Variants in RBFOX2 observed in about 807,000 individuals in gnomAD.
RBFOX2 encodes the protein RNA binding protein fox-1 homolog 2.
A neutral mutation model predicts 49.1 loss-of-function variants in RBFOX2; 10 were observed. The ratio of observed to expected loss-of-function variants is 0.20; its 90% CI spans 0.13 to 0.35. The LOEUF (loss-of-function observed/expected upper bound fraction) is 0.35, where lower values mean the gene tolerates loss of function less well. Among genes scored for constraint, RBFOX2 ranks in the 10% least tolerant of loss-of-function variants. The probability of loss-of-function intolerance (pLI) is 1.00; values close to 1 mark genes in which losing one functional copy is unlikely to be tolerated. For synonymous variants in RBFOX2, 183 were observed against 187.4 expected (o/e 0.98, Z 0.19); for missense variants, 323 against 486.9 (o/e 0.66, Z 3.17).
intron 2 of RBFOX2, among the ~76,000 whole-genome samples, chr22:35,803,421 A>G (rs1950129667): frequency 6.6e-6 from 1 of 152,216 alleles, no homozygotes; most frequent in Non-Finnish European, 1.5e-5. Context: ...CACACCTGTA[A>G]TCCCAGCATG....
At chr22:35,794,792 ACTT>A (rs1948452908) in intron 2 of RBFOX2, among the ~76,000 whole-genome samples, 1 of 152,170 alleles carries the variant, frequency 6.6e-6, no homozygotes, top group Middle Eastern at 3.2e-3. Flanking sequence ...AATCCTTACT[ACTT>A]CATCATCCTT....
chr22:35,895,434 G>C (rs943358636), intron 1 of RBFOX2, among the ~76,000 whole-genome samples: 3 of 152,148 alleles, frequency 2.0e-5, no homozygotes, highest in African/African-American at 4.8e-5. Context: ...CACACACACA[G>C]AACCTGCTCA....
chr22:36,004,474 C>T (rs1196129459), intron 1 of RBFOX2, among the ~76,000 whole-genome samples: 1 of 152,158 alleles, frequency 6.6e-6, no homozygotes, highest in Non-Finnish European at 1.5e-5. Context: ...CACTCAGCTA[C>T]ACTCATGGGC....
intron 1 of RBFOX2, among the ~76,000 whole-genome samples, chr22:35,884,286 C>T (rs1212422599): frequency 6.6e-6 from 1 of 152,142 alleles, no homozygotes; most frequent in Non-Finnish European, 1.5e-5. Flanking sequence ...TGTGAGCCAC[C>T]ACACCCGGCC....
rs146557205 is a variant in RBFOX2 at position 35,854,143 on chromosome 22, C to T, written c.-33-44139G>A. Reference sequence around the variant, plus strand: ...TGGAGAACTGCTTGAATCTGGGAGGCGGAGGTTGCAGTGAGCCGAGACTGT... The same window carrying T: ...TGGAGAACTGCTTGAATCTGGGAGGTGGAGGTTGCAGTGAGCCGAGACTGT... On this transcript the variant is annotated intron_variant, in intron 1 of 13. Coordinates refer to the RBFOX2 transcript ENST00000359369. 1.2e-4 allele frequency among the ~76,000 whole-genome samples: 19 copies of T among 152,056 alleles called. No individual in the cohort carries two copies. In the East Asian group the frequency reaches 3.5e-3, roughly 28 times the overall value.
chr22:36,012,997 C>T (rs2058882080), intron 1 of RBFOX2, among the ~76,000 whole-genome samples: 1 of 152,124 alleles, frequency 6.6e-6, no homozygotes, highest in South Asian at 2.1e-4. Context: ...AACTCCTGAC[C>T]TCGTGATTCG....
intron 1 of RBFOX2, among the ~76,000 whole-genome samples, chr22:35,816,753 G>A (rs1174257028): frequency 1.3e-5 from 2 of 152,116 alleles, no homozygotes; most frequent in Non-Finnish European, 2.9e-5. Flanking sequence ...CGCCATTGAA[G>A]TATTAGTTTA....
chr22:35,743,237 T>C (rs931902819), exon 12 of RBFOX2: 1 of 152,232 alleles, frequency 6.6e-6, no homozygotes, highest in African/African-American at 2.4e-5. Context: ...TTTGTACTTC[T>C]AATCCTCAAG....
chr22:35,814,710 C>CAAAAAAAAAAAA (rs55971445), intron 1 of RBFOX2, among the ~76,000 whole-genome samples: 3 of 31,018 alleles, frequency 9.7e-5, no homozygotes, highest in Non-Finnish European at 1.3e-4. Flanking sequence ...AACCCTGTCT[C>CAAAAAAAAAAAA]AAAAAAAAAA....
chr22:35,878,042 ACACAC>A (rs1041524731), intron 1 of RBFOX2, among the ~76,000 whole-genome samples: 51 of 51,126 alleles, frequency 1.0e-3, no homozygotes, highest in African/African-American at 5.3e-3. Flanking sequence ...CTACTACTAC[ACACAC>A]ACACACACAC....
At chr22:35,993,010 T>C (rs1218422953) in intron 1 of RBFOX2, 1 of 152,156 alleles carries the variant, frequency 6.6e-6, no homozygotes, top group African/African-American at 2.4e-5. Flanking sequence ...AAACATAACA[T>C]ACAAAAACAT....
At chr22:35,879,379 G>A (rs1366766312) in intron 1 of RBFOX2, among the ~76,000 whole-genome samples, 3 of 152,164 alleles carry the variant, frequency 2.0e-5, no homozygotes, top group African/African-American at 7.2e-5. Flanking sequence ...CACTTCATTA[G>A]GTACTATAAA....
At chr22:35,873,469 C>T (rs936646925) in intron 1 of RBFOX2, among the ~76,000 whole-genome samples, 3 of 152,188 alleles carry the variant, frequency 2.0e-5, no homozygotes, top group Non-Finnish European at 2.9e-5. Flanking sequence ...AGGATTTATA[C>T]TAATGCTAGG....
chr22:35,829,070 AAAAC>A (rs912338386), intron 1 of RBFOX2, among the ~76,000 whole-genome samples: 6 of 152,140 alleles, frequency 3.9e-5, no homozygotes, highest in Admixed American at 2.0e-4. Flanking sequence ...ACAACAAAAC[AAAAC>A]AAACAAACAA....
At chr22:35,750,743 A>C (rs1412896592) in intron 9 of RBFOX2, among the ~76,000 whole-genome samples, 1 of 152,246 alleles carries the variant, frequency 6.6e-6, no homozygotes. Context: ...GTCCTGACCC[A>C]CAGCACTCAC....
intron 1 of RBFOX2, among the ~76,000 whole-genome samples, chr22:35,864,805 A>C (rs1043466343): frequency 2.6e-5 from 4 of 152,222 alleles, no homozygotes; most frequent in Admixed American, 2.0e-4. Flanking sequence ...TTGTTCCACT[A>C]TTAGAAAGCA....
rs565407553 is a variant in RBFOX2, at chr22:35,919,446, T to C, written c.-34+19401A>G. ...TACTTAGGTGGCTGAGGCAGGGGGA[T>C]AGCTTGAACCTGGGAGGCGGAGGTT... On this transcript the variant is annotated intron_variant, in intron 1 of 13. Coordinates refer to the RBFOX2 transcript ENST00000359369. Among the ~76,000 whole-genome samples, 102 of 151,702 alleles carry C rather than the reference T, an allele frequency of 6.7e-4. No individual in the cohort carries two copies. In the South Asian group the frequency reaches 0.02, roughly 30 times the overall value.
chr22:35,845,306 T>C (rs972315048), upstream of RBFOX2, among the ~76,000 whole-genome samples: 1 of 151,850 alleles, frequency 6.6e-6, no homozygotes, highest in Non-Finnish European at 1.5e-5. Context: ...TTAACATAAA[T>C]GAAGTCAAAT....
At chr22:35,798,710 A>AT (rs1949239443) in intron 2 of RBFOX2, among the ~76,000 whole-genome samples, 1 of 152,198 alleles carries the variant, frequency 6.6e-6, no homozygotes, top group Admixed American at 6.5e-5. Flanking sequence ...TCAAAAAATT[A>AT]TTTAAGGACT....
Sources: gnomAD v4.1 joint callset for allele counts (sites outside exome capture counted in the v4.1 genomes callset) on GRCh38, gnomAD v4.1.1 for gene constraint, MANE v1.5 for transcripts, NCBI Gene and HGNC (gene_info 2026-07-23, HGNC 2026-07-21) for gene names.